Variants in PDE3A observed in about 807,000 individuals in gnomAD.
PDE3A encodes the protein cGMP-inhibited 3',5'-cyclic phosphodiesterase 3A.
Under a neutral mutation model 98.3 loss-of-function variants are expected in PDE3A, and 43 were observed. That is an observed-to-expected ratio of 0.44 (90% confidence interval 0.34 to 0.56). The LOEUF (loss-of-function observed/expected upper bound fraction) is 0.56. Ranked by LOEUF, PDE3A falls within the 20% of genes least tolerant of loss-of-function variation. The pLI is 0.01. For missense variants in PDE3A, 1,427 were observed against 1,440.7 expected (o/e 0.99, Z 0.15); for synonymous variants, 663 against 567.9 (o/e 1.17, Z -2.38).
chr12:20,414,665 A>G (rs1944391484), intron 1 of PDE3A, among the ~76,000 whole-genome samples: 1 of 152,210 alleles, frequency 6.6e-6, no homozygotes, highest in Non-Finnish European at 1.5e-5. Flanking sequence ...TTGGCCAAAA[A>G]CAGATAATAT....
At chr12:20,505,526 C>T (rs1445238971) in intron 1 of PDE3A, among the ~76,000 whole-genome samples, 1 of 152,034 alleles carries the variant, frequency 6.6e-6, no homozygotes, top group East Asian at 1.9e-4. Context: ...TTAATGTAAG[C>T]ATGTGCCATG....
intron 2 of PDE3A, among the ~76,000 whole-genome samples, chr12:20,601,592 G>A (rs928157125): frequency 5.0e-4 from 76 of 152,250 alleles, no homozygotes; most frequent in African/African-American, 1.6e-3. Flanking sequence ...AAGAAGTCAC[G>A]TTTCTAATAT....
In PDE3A at chr12:20,680,765, C is replaced by T. The variant is rs548416178; in HGVS notation, c.*494C>T. The T allele has an allele frequency of 1.3e-5, 2 of 154,250 alleles. No individual in the cohort carries two copies. Among genetic ancestry groups the T allele is most frequent in the African/African-American group, 2.4e-5 (1 of 41,310 alleles). The allele number at this position is 154,250 out of a possible 1,614,324, so 9.6% of individuals were successfully genotyped here. A position where few individuals can be genotyped will look rare whatever the true frequency, so the allele number is the denominator to read the frequency against. Reference sequence around the variant, plus strand: ...GGTTACCAACTAAGCAGCTTTTGCTCTTAGTACTGAGGGATGAAAGTTCCA... The same window carrying T: ...GGTTACCAACTAAGCAGCTTTTGCTTTTAGTACTGAGGGATGAAAGTTCCA... On this transcript the variant is annotated 3_prime_UTR_variant, in exon 16 of 16. Coordinates refer to ENST00000359062, the MANE Select transcript of PDE3A (RefSeq NM_000921.5).
At chr12:20,506,302 G>T (rs1946117489) in intron 1 of PDE3A, among the ~76,000 whole-genome samples, 1 of 151,818 alleles carries the variant, frequency 6.6e-6, no homozygotes. Flanking sequence ...TTAAAAAACA[G>T]GTGTTTTATA....
At chr12:20,622,817 T>C (rs555632614) in intron 5 of PDE3A, among the ~76,000 whole-genome samples, 1 of 152,140 alleles carries the variant, frequency 6.6e-6, no homozygotes, top group East Asian at 1.9e-4. Flanking sequence ...AAAATATATA[T>C]GGATACTTTT....
intron 1 of PDE3A, among the ~76,000 whole-genome samples, chr12:20,436,398 G>C (rs187812472): frequency 6.6e-6 from 1 of 152,240 alleles, no homozygotes. Flanking sequence ...GGGGTGAAAG[G>C]TTCATATTCC....
chr12:20,423,970 A>G (rs1413937702), intron 1 of PDE3A, among the ~76,000 whole-genome samples: 1 of 152,152 alleles, frequency 6.6e-6, no homozygotes, highest in Admixed American at 6.5e-5. Flanking sequence ...CTAGGGTGTG[A>G]GTGGAGTTAT....
rs779985880 is a variant in PDE3A at position 20,648,911 on chromosome 12, G to A, written c.2769+20G>A. ...GGCAAGGTAAATAGAGCTGTACCCAGTTTTCTTTTCTTTTTCTTTTTTTTT... is the reference window on the plus strand; with the variant it reads ...GGCAAGGTAAATAGAGCTGTACCCAATTTTCTTTTCTTTTTCTTTTTTTTT... On this transcript the variant is annotated intron_variant, in intron 13 of 15. Transcript: ENST00000359062. 1 of 1,005,158 alleles carries A rather than the reference G, an allele frequency of 9.9e-7. No individual in the cohort carries two copies. The allele number at this position is 1,005,158 out of a possible 1,614,324, so 62.3% of individuals were successfully genotyped here.
At position 20,684,180 on chromosome 12, in the gene PDE3A, T is replaced by G. The variant is rs1034215811; in HGVS notation, c.*3909T>G. 1.3e-5 allele frequency: 2 copies of G among 152,178 alleles called. No homozygotes were observed. The highest frequency in any genetic ancestry group is 2.9e-5 in the Non-Finnish European group (2 of 68,018). The allele number at this position is 152,178 out of a possible 1,614,324, so 9.4% of individuals were successfully genotyped here. A position where few individuals can be genotyped will look rare whatever the true frequency, so the allele number is the denominator to read the frequency against. Reference sequence around the variant, plus strand: ...TGAATAATCTAAAAATCATTTATATTCTACTGTGGGAGGTATTCTTGGTGC... The same window carrying G: ...TGAATAATCTAAAAATCATTTATATGCTACTGTGGGAGGTATTCTTGGTGC... On this transcript the variant is annotated 3_prime_UTR_variant, in exon 16 of 16. Coordinates refer to ENST00000359062, the MANE Select transcript of PDE3A (RefSeq NM_000921.5).
intron 12 of PDE3A, 40 bp downstream of exon 12, chr12:20,646,990 A>G (rs1332738963): frequency 2.1e-6 from 3 of 1,426,158 alleles, no homozygotes; most frequent in African/African-American, 1.4e-5. Flanking sequence ...TAATTTAAAG[A>G]TTTCTCAAGA....
At chr12:20,437,470 C>T (rs1944796309) in intron 1 of PDE3A, among the ~76,000 whole-genome samples, 1 of 152,146 alleles carries the variant, frequency 6.6e-6, no homozygotes, top group Non-Finnish European at 1.5e-5. Flanking sequence ...TTAATTGGCT[C>T]ACGGTTCTGC....
intron 1 of PDE3A, among the ~76,000 whole-genome samples, chr12:20,532,384 G>C (rs1357268165): frequency 6.6e-6 from 1 of 151,842 alleles, no homozygotes. Flanking sequence ...TTATATTTAT[G>C]TTAACTTATT....
intron 1 of PDE3A, among the ~76,000 whole-genome samples, chr12:20,412,274 G>A (rs1369247127): frequency 6.6e-6 from 1 of 152,142 alleles, no homozygotes; most frequent in African/African-American, 2.4e-5. Context: ...GTACATGATG[G>A]AATAAATGAT....
chr12:20,561,214 C>G (rs1375644094), intron 2 of PDE3A, among the ~76,000 whole-genome samples: 1 of 151,540 alleles, frequency 6.6e-6, no homozygotes, highest in Non-Finnish European at 1.5e-5. Flanking sequence ...GCCAAGATTG[C>G]GCCGCTGCAC....
rs775574107 is a variant in PDE3A, at chr12:20,552,814, G to A, written c.961-3846G>A. ...GACGTTCCAGTGTATCTGCTGTCAG[G>A]AGCTGGTGTTCCGGCCCATCACGAC... On this transcript the variant is annotated intron_variant, in intron 1 of 15. Transcript: ENST00000359062. This position sits in a 1 kb window ranked among gnomAD's most constrained non-coding sequence, Gnocchi z 5.1. 5.0e-6 allele frequency: 8 copies of A among 1,613,970 alleles called. No homozygotes were observed. The highest frequency in any genetic ancestry group is 2.7e-5 in the African/African-American group (2 of 75,068).
intron 6 of PDE3A, among the ~76,000 whole-genome samples, chr12:20,632,287 A>G (rs1030824897): frequency 6.6e-6 from 1 of 152,190 alleles, no homozygotes; most frequent in African/African-American, 2.4e-5. Flanking sequence ...GTTGAAAAGT[A>G]AAGTTACTTA....
chr12:20,605,768 A>ATGTT (rs1478586711), intron 2 of PDE3A, among the ~76,000 whole-genome samples: 1 of 152,188 alleles, frequency 6.6e-6, no homozygotes, highest in African/African-American at 2.4e-5. Flanking sequence ...CTCAATTCTA[A>ATGTT]TGTTTCAGCA....
chr12:20,632,144 G>C (rs1157521017), intron 6 of PDE3A, among the ~76,000 whole-genome samples: 3 of 152,180 alleles, frequency 2.0e-5, no homozygotes, highest in Admixed American at 2.0e-4. Context: ...GTCTGAGAAT[G>C]TAAGCCTACC....
intron 1 of PDE3A, among the ~76,000 whole-genome samples, chr12:20,481,062 A>C (rs966457509): frequency 1.3e-5 from 2 of 152,242 alleles, no homozygotes; most frequent in African/African-American, 4.8e-5. Context: ...TAAAAATTAT[A>C]TAAACCACTG....
Sources: allele counts gnomAD v4.1 joint callset (sites outside exome capture counted in the v4.1 genomes callset), GRCh38; gene constraint gnomAD v4.1.1; non-coding constraint Gnocchi (gnomAD v3.1); transcripts MANE v1.5; gene names NCBI Gene and HGNC (gene_info 2026-07-23, HGNC 2026-07-21).